MTERF3: variants seen among roughly 807,000 people sequenced by gnomAD.
MTERF3 encodes transcription termination factor 3, mitochondrial.
Under a neutral mutation model 40.5 loss-of-function variants are expected in MTERF3, and 40 were observed. The ratio of observed to expected loss-of-function variants is 0.99; its 90% CI spans 0.77 to 1.29. The LOEUF (loss-of-function observed/expected upper bound fraction) is 1.29. Among genes scored for constraint, MTERF3 ranks in the 50% most tolerant of loss-of-function variants. The pLI is 0.00. For synonymous variants in MTERF3, 158 were observed against 166.6 expected (o/e 0.95, Z 0.40); for missense variants, 452 against 478.2 (o/e 0.95, Z 0.51).
At chr8:96,258,764 G>C in intron 1 of MTERF3, 64 bp from the exon 2 acceptor site, 3 of 1,160,924 alleles carry the variant, frequency 2.6e-6, no homozygotes, top group Non-Finnish European at 3.6e-6. Context: ...GTTTAAAACG[G>C]TATTCAAACA....
chr8:96,250,674 GAAGAAGAA>G (rs1563549042), intron 4 of MTERF3, among the ~76,000 whole-genome samples: 2 of 47,132 alleles, frequency 4.2e-5, no homozygotes, highest in African/African-American at 2.0e-4. Flanking sequence ...AGAAGAAGAA[GAAGAAGAA>G]GGAGGAGGAG....
intron 3 of MTERF3, among the ~76,000 whole-genome samples, chr8:96,252,111 G>A: frequency 6.6e-6 from 1 of 152,174 alleles, no homozygotes; most frequent in Non-Finnish European, 1.5e-5. Flanking sequence ...TTCACCTTCT[G>A]CCATAATTGT....
rs777863866 is a variant in MTERF3, at chr8:96,250,935, G to A, written c.648C>T (p.Phe216=). The A allele has an allele frequency of 6.2e-7, 1 of 1,609,664 alleles. No individual in the cohort carries two copies. The highest frequency in any genetic ancestry group is 8.5e-7 in the Non-Finnish European group (1 of 1,178,970). ...TCTTCAGATTTTCAAGGTCTTCAGA[G>A]AAAATTGCATGATTTTTTGTCAGGA... ...GAFLTKNHAI[F]SEDLENLKTR... Residue 216 remains phenylalanine, a synonymous_variant, in exon 4 of 8, where the codon TTC becomes TTT. Transcript: ENST00000287025.
At chr8:96,245,103 A>G (rs1311155444) in intron 6 of MTERF3, among the ~76,000 whole-genome samples, 1 of 151,906 alleles carries the variant, frequency 6.6e-6, no homozygotes, top group Non-Finnish European at 1.5e-5. Context: ...GTGTGCCCCC[A>G]CCAAGTAACT....
At chr8:96,252,592 A>T (rs1810206173) in intron 3 of MTERF3, among the ~76,000 whole-genome samples, 1 of 152,228 alleles carries the variant, frequency 6.6e-6, no homozygotes, top group Admixed American at 6.5e-5. Flanking sequence ...TAATATCTGC[A>T]CTTTTGACAA....
intron 7 of MTERF3, among the ~76,000 whole-genome samples, chr8:96,241,494 G>A (rs951533885): frequency 4.0e-5 from 6 of 151,828 alleles, no homozygotes; most frequent in African/African-American, 1.2e-4. Context: ...GCTCCTAAAC[G>A]ATTACTAATT....
At position 96,239,472 on chromosome 8, in the gene MTERF3, T is replaced by C. The variant is rs752995338; in HGVS notation, c.*19A>G. The C allele has an allele frequency of 6.5e-7, 1 of 1,547,978 alleles. No homozygotes were observed. Among genetic ancestry groups the C allele is most frequent in the South Asian group, 1.2e-5 (1 of 83,774 alleles). On this transcript the variant is annotated 3_prime_UTR_variant, in exon 8 of 8. Transcript: ENST00000287025. ...TATATATTCACTTTACAATACTGCA[T>C]TTTAACATACATAAAAATCTAAAGC... is the stretch of plus-strand genomic sequence containing the variant.
intron 7 of MTERF3, among the ~76,000 whole-genome samples, chr8:96,242,597 A>C (rs1809949052): frequency 6.6e-6 from 1 of 152,232 alleles, no homozygotes; most frequent in South Asian, 2.1e-4. Context: ...CATCTACCTC[A>C]TATGGTTGTT....
At chr8:96,250,180 T>G (rs920062177) in intron 4 of MTERF3, among the ~76,000 whole-genome samples, 12 of 152,050 alleles carry the variant, frequency 7.9e-5, no homozygotes, top group African/African-American at 2.9e-4. Flanking sequence ...AATAGCCAAC[T>G]TACGGAAATG....
At chr8:96,250,509 G>T in intron 4 of MTERF3, among the ~76,000 whole-genome samples, 1 of 143,956 alleles carries the variant, frequency 6.9e-6, no homozygotes, top group East Asian at 2.0e-4. Context: ...TCAGGAGTTC[G>T]AGAACAGCCT....
At chr8:96,253,873 T>G (rs1470203316) in intron 3 of MTERF3, among the ~76,000 whole-genome samples, 12 of 148,948 alleles carry the variant, frequency 8.1e-5, no homozygotes, top group Admixed American at 4.7e-4. Flanking sequence ...TTAGCCCAGA[T>G]GGCATGTGCC....
chr8:96,260,152 C>T (rs1810355734), intron 1 of MTERF3: 1 of 152,204 alleles, frequency 6.6e-6, no homozygotes, highest in East Asian at 1.9e-4. Flanking sequence ...GTGATCCACC[C>T]AGCTTCCCAA....
chr8:96,247,255 G>A (rs369191242), intron 4 of MTERF3, among the ~76,000 whole-genome samples: 4 of 152,188 alleles, frequency 2.6e-5, no homozygotes, highest in East Asian at 3.8e-4. Flanking sequence ...TTACACTTGA[G>A]TGACCATGCC....
At chr8:96,252,220 GAAT>G (rs1810198722) in intron 3 of MTERF3, among the ~76,000 whole-genome samples, 1 of 152,106 alleles carries the variant, frequency 6.6e-6, no homozygotes, top group East Asian at 1.9e-4. Flanking sequence ...TGTGAAAACA[GAAT>G]AATACGCACA....
At position 96,250,970 on chromosome 8, in the gene MTERF3, G is replaced by T. The variant is rs1563549469; in HGVS notation, c.613C>A (p.Leu205Met). The change falls in exon 4 of 8, where the codon CTG becomes ATG. Residue 205 changes from leucine (L) to methionine (M), a missense_variant. Physicochemically the swap from Leu to Met is conservative, Grantham distance 15. Coordinates refer to ENST00000287025, the MANE Select transcript of MTERF3 (RefSeq NM_015942.5). The part of the protein sequence containing the change: ...LKDVGIEDNQ[L>M]GAFLTKNHAI... ...TGATTTTTTGTCAGGAATGCTCCCA[G>T]TTGGTTATCCTCTATACCCACATCT... 6.2e-7 allele frequency: 1 copy of T among 1,607,628 alleles called. No individual in the cohort carries two copies. The highest frequency in any genetic ancestry group is 8.5e-7 in the Non-Finnish European group (1 of 1,178,488).
intron 3 of MTERF3, among the ~76,000 whole-genome samples, chr8:96,251,779 C>G (rs1450768700): frequency 6.6e-6 from 1 of 152,170 alleles, no homozygotes; most frequent in Non-Finnish European, 1.5e-5. Context: ...TTCATTATAA[C>G]TCCAAATATT....
At position 96,250,875 on chromosome 8, in the gene MTERF3, G is replaced by T. The variant is rs368528324; in HGVS notation, c.677+31C>A. On this transcript the variant is annotated intron_variant, in intron 4 of 7. Coordinates refer to ENST00000287025, the MANE Select transcript of MTERF3 (RefSeq NM_015942.5). ...ATATTTCCTTCATAACCACTTCTTA[G>T]GTTATATGAGAATCCTTTTAAAAGT... 1.9e-6 allele frequency: 3 copies of T among 1,571,452 alleles called. No homozygotes were observed. The South Asian group carries it at 3.5e-5, about 18-fold the overall frequency.
chr8:96,254,496 A>C (rs760289274), intron 3 of MTERF3, among the ~76,000 whole-genome samples: 1 of 152,108 alleles, frequency 6.6e-6, no homozygotes, highest in Non-Finnish European at 1.5e-5. Flanking sequence ...TATAAGTGAG[A>C]TCACGTAGCA....
At position 96,245,890 on chromosome 8, in the gene MTERF3, T is replaced by C; in HGVS notation, c.867A>G (p.Gly289=). The change falls in exon 6 of 8, where the codon GGA becomes GGG. Residue 289 remains glycine, a synonymous_variant. Coordinates refer to ENST00000287025, the MANE Select transcript of MTERF3 (RefSeq NM_015942.5). The part of the protein sequence containing the change: ...LVVRLPRLLT[G]SLEPVKENMK... ...TATTTTCTTTCACGGGTTCCAGACTTCCAGTTAGCAGCCTTGGGAGACGAA... is the reference window on the plus strand; with the variant it reads ...TATTTTCTTTCACGGGTTCCAGACTCCCAGTTAGCAGCCTTGGGAGACGAA... 1 of 1,614,090 alleles carries C rather than the reference T, an allele frequency of 6.2e-7. No homozygotes were observed. Among genetic ancestry groups the C allele is most frequent in the Non-Finnish European group, 8.5e-7 (1 of 1,179,976 alleles).
Sources: allele counts gnomAD v4.1 joint callset (sites outside exome capture counted in the v4.1 genomes callset), GRCh38; gene constraint gnomAD v4.1.1; transcripts MANE v1.5; gene names NCBI Gene and HGNC (gene_info 2026-07-23, HGNC 2026-07-21).